IFRD1: variants seen among roughly 807,000 people sequenced by gnomAD.
IFRD1 encodes the protein interferon related developmental regulator 1, also known as interferon-related developmental regulator 1.
IFRD1 carries 35 observed loss-of-function variants against 52.9 expected under a neutral mutation model. That is an observed-to-expected ratio of 0.66 (90% CI 0.51 to 0.88). The LOEUF is 0.88. Among genes scored for constraint, IFRD1 ranks in the 40% least tolerant of loss-of-function variants. The pLI is 0.00. For synonymous variants in IFRD1, 184 were observed against 188.4 expected, an observed-to-expected ratio of 0.98 and a Z score of 0.19; for missense variants, 517 against 550.8, an observed-to-expected ratio of 0.94 and a Z score of 0.61.
chr7:112,433,484 G>T (rs1380095751), intron 1 of IFRD1, among the ~76,000 whole-genome samples: 1 of 152,216 alleles, frequency 6.6e-6, no homozygotes, highest in Non-Finnish European at 1.5e-5. Flanking sequence ...TTACAACAGT[G>T]TTGTTATCTC....
Position 112,461,852 on chromosome 7 carries a change from ATTTT to A in IFRD1, c.568-6_568-3del, listed in dbSNP as rs61603869. The stretch of plus-strand genomic sequence containing the variant: ...AAATCATTAATGTCTATATATATAT[ATTTT>A]TTTTTTTAGTGTGCAACTTGCTTTG... On this transcript the variant is annotated splice_polypyrimidine_tract_variant and intron_variant, in intron 5 of 11. Coordinates refer to ENST00000403825, the MANE Select transcript of IFRD1 (RefSeq NM_001550.4). The A allele has an allele frequency of 3.4e-6, 4 of 1,186,978 alleles. No individual in the cohort carries two copies. The highest frequency in any genetic ancestry group is 4.8e-6 in the Non-Finnish European group (4 of 833,400). The allele number at this position is 1,186,978 out of a possible 1,614,324, so 73.5% of individuals were successfully genotyped here.
intron 1 of IFRD1, chr7:112,452,414 C>G (rs1287987696): frequency 2.1e-6 from 2 of 968,746 alleles, no homozygotes; most frequent in Non-Finnish European, 2.5e-6. Context: ...GCCTAAGCCT[C>G]CCACAATGCT....
At chr7:112,431,113 T>C (rs1186437063) in intron 1 of IFRD1, among the ~76,000 whole-genome samples, 1 of 152,198 alleles carries the variant, frequency 6.6e-6, no homozygotes, top group Non-Finnish European at 1.5e-5. Flanking sequence ...GTGTATCCTG[T>C]TGTGGCCAGA....
chr7:112,468,564 A>C (rs2117327383), intron 9 of IFRD1, among the ~76,000 whole-genome samples: 1 of 152,292 alleles, frequency 6.6e-6, no homozygotes, highest in South Asian at 2.1e-4. Context: ...CAGTGGCACG[A>C]TCTTGGCTCA....
At chr7:112,467,906 GTTC>G (rs1304146697) in intron 8 of IFRD1, 72 bp from the exon 9 acceptor site, 7 of 1,384,292 alleles carry the variant, frequency 5.1e-6, no homozygotes, top group Non-Finnish European at 1.0e-6. Context: ...AATGTAGACT[GTTC>G]TTTGTTAGCT....
upstream of IFRD1, among the ~76,000 whole-genome samples, chr7:112,446,594 C>T (rs762514365): frequency 2.2e-4 from 33 of 152,000 alleles, no homozygotes; most frequent in Non-Finnish European, 3.4e-4. Flanking sequence ...GGTGAGGATG[C>T]GACCTTAGAA....
At chr7:112,458,461 T>G (rs1323162917) in intron 4 of IFRD1, 1 of 269,656 alleles carries the variant, frequency 3.7e-6, no homozygotes, top group Non-Finnish European at 7.3e-6. Flanking sequence ...TCCGAAATGC[T>G]TAGGAGATTA....
upstream of IFRD1, among the ~76,000 whole-genome samples, chr7:112,449,502 T>C (rs981817242): frequency 1.3e-5 from 2 of 152,158 alleles, no homozygotes; most frequent in African/African-American, 2.4e-5. Flanking sequence ...ATGACTCACC[T>C]ACATTGAGGT....
chr7:112,469,843 C>T (rs1324790539), intron 9 of IFRD1, among the ~76,000 whole-genome samples: 1 of 152,152 alleles, frequency 6.6e-6, no homozygotes, highest in Non-Finnish European at 1.5e-5. Context: ...TACCCGCCCA[C>T]CTTCTTTTCT....
chr7:112,472,821 C>G lies in IFRD1; in HGVS notation c.1226C>G (p.Ala409Gly). 6.2e-7 allele frequency: 1 copy of G among 1,613,558 alleles called. No homozygotes were observed. Among genetic ancestry groups the G allele is most frequent in the Non-Finnish European group, 8.5e-7 (1 of 1,179,466 alleles). Residue 409 changes from alanine (A) to glycine (G), a missense_variant, in exon 11 of 12, where the codon GCT becomes GGT. Ala to Gly is a moderately conservative substitution (Grantham distance 60, BLOSUM62 0). Coordinates refer to ENST00000403825, the MANE Select transcript of IFRD1 (RefSeq NM_001550.4). ...CTTGGACCCCCAGTGATGCTTGATGCTGCAACGCTTAAAACGATGAAGATT... is the reference window on the plus strand; with the variant it reads ...CTTGGACCCCCAGTGATGCTTGATGGTGCAACGCTTAAAACGATGAAGATT... ...FELGPPVMLD[A>G]ATLKTMKISR...
Position 112,450,473 on chromosome 7 carries a change from C to A in IFRD1, c.-216C>A, listed in dbSNP as rs1440911042. 3.4e-6 allele frequency: 2 copies of A among 592,874 alleles called. No individual in the cohort carries two copies. Among genetic ancestry groups the A allele is most frequent in the Non-Finnish European group, 6.1e-6 (2 of 326,172 alleles). 36.7% of individuals were successfully genotyped at this position (592,874 alleles called of 1,614,324 possible). On this transcript the variant is annotated 5_prime_UTR_variant, in exon 1 of 12. Transcript: ENST00000403825. ...CTCCCCTGCCCCGCCTTAGCTCCCG[C>A]GCTAGAGAGAAACATGTATCGTTTT...
intron 1 of IFRD1, among the ~76,000 whole-genome samples, chr7:112,442,971 T>A (rs952677292): frequency 6.6e-6 from 1 of 152,244 alleles, no homozygotes; most frequent in Admixed American, 6.5e-5. Context: ...ATGTGCTGAG[T>A]ACTGAGCTAA....
chr7:112,461,060 T>C (rs1373430158), intron 5 of IFRD1, among the ~76,000 whole-genome samples: 1 of 152,216 alleles, frequency 6.6e-6, no homozygotes, highest in African/African-American at 2.4e-5. Flanking sequence ...TCATATACTA[T>C]ACTCACTTTT....
rs73428448 is a variant in IFRD1, at chr7:112,437,286, C to T, written c.-181-13222C>T. 1,345 of 154,768 alleles carry T rather than the reference C, an allele frequency of 8.7e-3. 17 individuals carry two copies. Among genetic ancestry groups the T allele is most frequent in the African/African-American group, 0.031 (1,268 of 41,558 alleles). 9.6% of individuals were successfully genotyped at this position (154,768 alleles called of 1,614,324 possible). The stretch of plus-strand genomic sequence containing the variant: ...TATGGAGTGTCTCCTACTTTTCAGG[C>T]CAGTGCTAGGTGCTGGGTTACAAAG... On this transcript the variant is annotated intron_variant, in intron 1 of 12. Transcript: ENST00000005558.
rs1232020642 is a variant in IFRD1 at position 112,458,911 on chromosome 7, A to G, written c.460A>G (p.Ile154Val). Residue 154 changes from isoleucine to valine, a missense_variant, in exon 5 of 12, where the codon ATT becomes GTT. Coordinates refer to ENST00000403825, the MANE Select transcript of IFRD1 (RefSeq NM_001550.4). Reference protein sequence around the residue: ...AAAALASVLCIQLGPGIESEE... With the variant: ...AAAALASVLCVQLGPGIESEE... ...TGCAGCGTTAGCATCTGTTCTTTGT[A>G]TTCAGCTGGGCCCTGGAATTGAAAG... The G allele has an allele frequency of 6.2e-7, 1 of 1,614,022 alleles. No individual in the cohort carries two copies. Among genetic ancestry groups the G allele is most frequent in the South Asian group, 1.1e-5 (1 of 91,084 alleles).
Position 112,435,398 on chromosome 7 carries a change from A to C in IFRD1, c.-182+11966A>C, listed in dbSNP as rs1289269818. On this transcript the variant is annotated intron_variant, in intron 1 of 12. Transcript: ENST00000005558. ...CTCTAAATGGTTCCCTTATTAGATC[A>C]TTAAGTGTTTGACTGCAAAACATGG... 6 of 152,240 alleles carry C rather than the reference A, an allele frequency of 3.9e-5. No homozygotes were observed. In the East Asian group the frequency reaches 1.2e-3, roughly 29 times the overall value. 9.4% of individuals were successfully genotyped at this position (152,240 alleles called of 1,614,324 possible).
chr7:112,441,272 C>G (rs1393150447), intron 1 of IFRD1, among the ~76,000 whole-genome samples: 1 of 146,148 alleles, frequency 6.8e-6, no homozygotes, highest in African/African-American at 2.5e-5. Flanking sequence ...GAGATCCTGT[C>G]TTAAAAAAAA....
In IFRD1 at chr7:112,445,273, A is replaced by G. The variant is rs562598790; in HGVS notation, c.-181-5235A>G. Among the ~76,000 whole-genome samples, 28 of 151,994 alleles carry G rather than the reference A, an allele frequency of 1.8e-4. No individual in the cohort carries two copies. In the East Asian group the frequency reaches 3.3e-3, roughly 18 times the overall value. ...AGTAGAGACGGGGTTTCACCGTGTTAGCCAGGATGGTCTCGATCTCCTGAC... is the reference window on the plus strand; with the variant it reads ...AGTAGAGACGGGGTTTCACCGTGTTGGCCAGGATGGTCTCGATCTCCTGAC... On this transcript the variant is annotated intron_variant, in intron 1 of 12. Coordinates refer to the IFRD1 transcript ENST00000005558.
At chr7:112,472,937 G>C (rs1244411256) in intron 11 of IFRD1, 76 bp downstream of exon 11, 1 of 952,214 alleles carries the variant, frequency 1.1e-6, no homozygotes, top group Non-Finnish European at 1.7e-6. Context: ...CAACTTAGCT[G>C]TGTCTACCTA....
Sources: gnomAD v4.1 joint callset for allele counts (sites outside exome capture counted in the v4.1 genomes callset) on GRCh38, gnomAD v4.1.1 for gene constraint, MANE v1.5 for transcripts, NCBI Gene and HGNC (gene_info 2026-07-23, HGNC 2026-07-21) for gene names.